The following PPARG variants were observed in gnomAD, a reference collection of about 807,000 sequenced individuals.
The protein encoded by PPARG is peroxisome proliferator-activated receptor gamma.
In PPARG, 17 loss-of-function variants were observed where a neutral mutation model predicts 39.2. The observed-to-expected ratio is 0.43, with a 90% CI of 0.30 to 0.65. PPARG has a LOEUF of 0.65. PPARG is among the 30% of genes least tolerant of loss of function. The pLI is 0.13. For synonymous variants in PPARG, 223 were observed against 215.7 expected (o/e 1.03, Z -0.30); for missense variants, 406 against 585.9 (o/e 0.69, Z 3.17).
intron 7 of PPARG, among the ~76,000 whole-genome samples, chr3:12,420,092 A>G (rs536666479): frequency 2.0e-5 from 3 of 152,346 alleles, no homozygotes; most frequent in South Asian, 2.1e-4. Context: ...ATGTAGATAG[A>G]TACATACATA....
At chr3:12,393,723 G>T (rs1270291436) in intron 5 of PPARG, among the ~76,000 whole-genome samples, 1 of 151,942 alleles carries the variant, frequency 6.6e-6, no homozygotes, top group East Asian at 1.9e-4. Context: ...AACTGATCTA[G>T]TAAGAAGGCA....
intron 5 of PPARG, among the ~76,000 whole-genome samples, chr3:12,397,969 A>G (rs769357166): frequency 8.6e-5 from 13 of 152,044 alleles, no homozygotes; most frequent in Non-Finnish European, 1.6e-4. Context: ...TTATGCTTGG[A>G]TACCTCTGGG....
At chr3:12,335,737 A>T (rs2047993466) in intron 2 of PPARG, among the ~76,000 whole-genome samples, 1 of 152,172 alleles carries the variant, frequency 6.6e-6, no homozygotes, top group South Asian at 2.1e-4. Context: ...AGCAAAGAAA[A>T]TTCACCCCAC....
Position 12,298,215 on chromosome 3 carries a change from C to T in PPARG, c.-83+9081C>T, listed in dbSNP as rs376526929. ...TTGGGAGGCTGAGGCAGGAGAATGG[C>T]GTGAACCCGGGAGGCAGAGCTTGCA... On this transcript the variant is annotated intron_variant, in intron 1 of 7. Coordinates refer to ENST00000651735, the MANE Select transcript of PPARG (RefSeq NM_138711.6). Among the ~76,000 whole-genome samples, 647 of 130,082 alleles carry T rather than the reference C, an allele frequency of 5.0e-3. 11 individuals are homozygous for T. The East Asian group carries it at 0.075, about 15-fold the overall frequency. The allele number at this position is 130,082 out of a possible 152,430, so 85.3% of individuals were successfully genotyped here. A position where few individuals can be genotyped will look rare whatever the true frequency, so the allele number is the denominator to read the frequency against.
intron 1 of PPARG, among the ~76,000 whole-genome samples, chr3:12,290,585 T>C (rs2046624488): frequency 6.6e-6 from 1 of 152,144 alleles, no homozygotes; most frequent in African/African-American, 2.4e-5. Context: ...ACATTTAAAA[T>C]GTGTACAAGA....
chr3:12,419,538 C>G (rs1032165171), intron 7 of PPARG, among the ~76,000 whole-genome samples: 1 of 151,762 alleles, frequency 6.6e-6, no homozygotes, highest in African/African-American at 2.4e-5. Context: ...TCTCGGCTCA[C>G]TACAACCGGG....
intron 1 of PPARG, among the ~76,000 whole-genome samples, chr3:12,290,121 T>A (rs377129418): frequency 5.9e-4 from 90 of 152,282 alleles, no homozygotes; most frequent in African/African-American, 2.0e-3. Context: ...GATCTTTGAA[T>A]CAACTGGTGG....
At chr3:12,405,745 G>C (rs2050636362) in intron 5 of PPARG, 137 bp from the exon 6 acceptor site, 1 of 834,484 alleles carries the variant, frequency 1.2e-6, no homozygotes, top group South Asian at 1.4e-5. Flanking sequence ...GAGCAAAGTG[G>C]TAGACAGAAA....
Position 12,375,975 on chromosome 3 carries a change from G to C in PPARG, c.-8-3729G>C, listed in dbSNP as rs576476396. ...TTTTTTTTTTTTCTTTTGAGTTGGA[G>C]TTTCACTCTTGTTGCCCAGGCTGGA... On this transcript the variant is annotated intron_variant, in intron 2 of 7. Transcript: ENST00000651735. Among the ~76,000 whole-genome samples the C allele has an allele frequency of 1.7e-4, 26 of 150,482 alleles. No individual in the cohort carries two copies. The South Asian group carries it at 5.5e-3, about 32-fold the overall frequency.
chr3:12,406,165 C>A, intron 6 of PPARG, 84 bp downstream of exon 6: 1 of 1,276,324 alleles, frequency 7.8e-7, no homozygotes, highest in Non-Finnish European at 1.1e-6. Context: ...GTTTACTGCG[C>A]TACAAATGCA....
At chr3:12,328,303 C>T (rs2047753576) in intron 2 of PPARG, 2 of 1,161,224 alleles carry the variant, frequency 1.7e-6, no homozygotes, top group Non-Finnish European at 2.5e-6. Flanking sequence ...AGCTCTTCCT[C>T]CTGCCCCTCT....
chr3:12,347,283 G>T (rs1256277656), intron 2 of PPARG, among the ~76,000 whole-genome samples: 1 of 151,938 alleles, frequency 6.6e-6, no homozygotes, highest in African/African-American at 2.4e-5. Context: ...CCAGGAGTTG[G>T]AGACTAGCCT....
At chr3:12,391,045 A>G (rs1040747618) in intron 4 of PPARG, among the ~76,000 whole-genome samples, 8 of 152,322 alleles carry the variant, frequency 5.3e-5, no homozygotes, top group African/African-American at 1.7e-4. Flanking sequence ...CTCAGTCACA[A>G]TTGGGAATCA....
Position 12,392,709 on chromosome 3 carries a change from C to A in PPARG, c.486C>A (p.Tyr162Ter). The A allele has an allele frequency of 6.2e-7, 1 of 1,613,850 alleles. No homozygotes were observed. Among genetic ancestry groups the A allele is most frequent in the Non-Finnish European group, 8.5e-7 (1 of 1,179,822 alleles). Residue 162 changes from tyrosine (Y) to a stop codon, truncating the protein, a stop_gained, in exon 5 of 8, where the codon TAC becomes TAA. Coordinates refer to ENST00000651735, the MANE Select transcript of PPARG (RefSeq NM_138711.6). LOFTEE classifies it high-confidence loss of function. ...AAAAAAGTAGAAATAAATGTCAGTA[C>A]TGTCGGTTTCAGAAATGCCTTGCAG... Reference protein sequence around the residue: ...IHKKSRNKCQYCRFQKCLAVG... With the variant: ...IHKKSRNKCQ
intron 2 of PPARG, among the ~76,000 whole-genome samples, chr3:12,375,300 G>A (rs2049367282): frequency 6.6e-6 from 1 of 152,054 alleles, no homozygotes; most frequent in African/African-American, 2.4e-5. Flanking sequence ...GTGATTGATA[G>A]GAAGTCACTG....
intron 5 of PPARG, 49 bp from the exon 6 acceptor site, chr3:12,405,833 G>A: frequency 6.4e-7 from 1 of 1,568,596 alleles, no homozygotes; most frequent in Non-Finnish European, 8.8e-7. Context: ...TGTGTGTTCA[G>A]AGCAGTAGTA....
intron 1 of PPARG, among the ~76,000 whole-genome samples, chr3:12,294,703 T>C (rs913976368): frequency 2.6e-5 from 4 of 152,134 alleles, no homozygotes; most frequent in Non-Finnish European, 5.9e-5. Context: ...GAGACCAACC[T>C]AACCAACATG....
At chr3:12,308,360 A>G (rs1409245801) in intron 1 of PPARG, among the ~76,000 whole-genome samples, 3 of 149,732 alleles carry the variant, frequency 2.0e-5, no homozygotes, top group African/African-American at 7.4e-5. Flanking sequence ...AAAAAAAAAA[A>G]AAAAAAAAAA....
intron 2 of PPARG, among the ~76,000 whole-genome samples, chr3:12,355,093 A>C (rs1206709472): frequency 1.3e-5 from 2 of 152,174 alleles, no homozygotes; most frequent in Non-Finnish European, 2.9e-5. Context: ...TTTTTCGTAC[A>C]CTGAAGTAGA....
Sources: allele counts gnomAD v4.1 joint callset (sites outside exome capture counted in the v4.1 genomes callset), GRCh38; gene constraint gnomAD v4.1.1; transcripts MANE v1.5; gene names NCBI Gene and HGNC (gene_info 2026-07-23, HGNC 2026-07-21).